AGBL1: variants seen among roughly 807,000 people sequenced by gnomAD.
AGBL1 encodes AGBL carboxypeptidase 1, also known as cytosolic carboxypeptidase 4.
AGBL1 carries 130 observed loss-of-function variants against 118.9 expected under a neutral mutation model. The observed-to-expected ratio is 1.09, with a 90% confidence interval of 0.95 to 1.26. The LOEUF (loss-of-function observed/expected upper bound fraction) is 1.26, where lower values mean the gene tolerates loss of function less well. Among genes scored for constraint, AGBL1 ranks in the 50% most tolerant of loss-of-function variants. AGBL1 has a pLI of 0.00. For synonymous variants in AGBL1, 555 were observed against 478.9 expected (o/e 1.16, Z -2.08); for missense variants, 1,584 against 1,298.1 (o/e 1.22, Z -3.38).
chr15:86,778,260 A>C (rs770773665), intron 22 of AGBL1, among the ~76,000 whole-genome samples: 18 of 152,196 alleles, frequency 1.2e-4, no homozygotes, highest in Non-Finnish European at 1.2e-4. Context: ...TCACAGGACC[A>C]TGGGACTGGG....
At chr15:86,991,525 CA>C (rs2081335610) in intron 24 of AGBL1, among the ~76,000 whole-genome samples, 1 of 151,860 alleles carries the variant, frequency 6.6e-6, no homozygotes, top group Non-Finnish European at 1.5e-5. Context: ...CATTACAAAC[CA>C]AAGCAATGCA....
chr15:86,515,728 G>A (rs1430472667), intron 18 of AGBL1, among the ~76,000 whole-genome samples: 2 of 152,206 alleles, frequency 1.3e-5, no homozygotes, highest in African/African-American at 4.8e-5. Context: ...AGGTTTCACT[G>A]TTCACTTGCA....
At chr15:86,825,904 G>C (rs2079005861) in intron 22 of AGBL1, among the ~76,000 whole-genome samples, 3 of 93,762 alleles carry the variant, frequency 3.2e-5, no homozygotes, top group Admixed American at 1.3e-4. Context: ...TAGATAGATA[G>C]ATAGATAGAT....
chr15:86,979,527 T>C (rs542853401), intron 23 of AGBL1, among the ~76,000 whole-genome samples: 7 of 152,046 alleles, frequency 4.6e-5, no homozygotes, highest in South Asian at 4.2e-4. Context: ...CTCCCTCTGT[T>C]GCCCAGGCTG....
chr15:86,350,304 T>C (rs7172722), intron 17 of AGBL1, among the ~76,000 whole-genome samples: 3,673 of 152,362 alleles, frequency 0.024, 58 homozygotes, highest in Middle Eastern at 0.071. Flanking sequence ...GCAGTCAGTA[T>C]TGACAGACTC....
At chr15:86,466,080 C>T (rs1159558028) in intron 18 of AGBL1, among the ~76,000 whole-genome samples, 10 of 152,150 alleles carry the variant, frequency 6.6e-5, no homozygotes, top group Non-Finnish European at 1.0e-4. Flanking sequence ...TTTCTCAGAC[C>T]GGCCGACACT....
chr15:86,255,896 T>A (rs1161335915), intron 7 of AGBL1, among the ~76,000 whole-genome samples: 1 of 152,226 alleles, frequency 6.6e-6, no homozygotes, highest in Admixed American at 6.5e-5. Flanking sequence ...GTACCTGTAA[T>A]GTTGAGTCTG....
chr15:86,081,459 T>A (rs1462755060), intron 1 of AGBL1, among the ~76,000 whole-genome samples: 1 of 152,168 alleles, frequency 6.6e-6, no homozygotes, highest in Non-Finnish European at 1.5e-5. Context: ...CTCCTTGATG[T>A]CAAATGGCTA....
In AGBL1 at chr15:86,557,121, G is replaced by T. The variant is rs72757835; in HGVS notation, c.2994+2584G>T. Among the ~76,000 whole-genome samples the T allele has an allele frequency of 4.8e-3, 738 of 152,274 alleles. 8 individuals carry two copies. Among genetic ancestry groups the T allele is most frequent in the Admixed American group, 0.018 (269 of 15,292 alleles). On this transcript the variant is annotated intron_variant, in intron 21 of 22. Transcript: ENST00000614907. ...GTTTCTTTGGGATACAGTCTCTGTT[G>T]CTAGGTCATACACTTAGATCTATAA...
chr15:86,485,275 T>C (rs2082698874), intron 18 of AGBL1, among the ~76,000 whole-genome samples: 1 of 152,170 alleles, frequency 6.6e-6, no homozygotes, highest in African/African-American at 2.4e-5. Context: ...TCAGTGATCT[T>C]CGTGCAAAGT....
chr15:86,418,845 T>G (rs560181114), intron 18 of AGBL1, among the ~76,000 whole-genome samples: 1 of 152,106 alleles, frequency 6.6e-6, no homozygotes, highest in Non-Finnish European at 1.5e-5. Context: ...TCTGGGGGTG[T>G]GAAACTGCAA....
At chr15:86,640,184 G>A (rs1415518562) in intron 21 of AGBL1, among the ~76,000 whole-genome samples, 1 of 151,990 alleles carries the variant, frequency 6.6e-6, no homozygotes. Context: ...GCTCCACCTA[G>A]ACCACCAGGA....
At chr15:86,688,830 T>C (rs1596371643) in intron 22 of AGBL1, among the ~76,000 whole-genome samples, 1 of 152,290 alleles carries the variant, frequency 6.6e-6, no homozygotes, top group Non-Finnish European at 1.5e-5. Flanking sequence ...ATTCCCATCA[T>C]CACACCAAAT....
intron 18 of AGBL1, among the ~76,000 whole-genome samples, chr15:86,446,113 G>A (rs1419823873): frequency 6.6e-6 from 1 of 152,154 alleles, no homozygotes; most frequent in African/African-American, 2.4e-5. Context: ...AAAATGACCT[G>A]CTCACCATAA....
At chr15:86,709,686 A>G (rs896635848) in intron 22 of AGBL1, among the ~76,000 whole-genome samples, 2 of 152,178 alleles carry the variant, frequency 1.3e-5, no homozygotes, top group Non-Finnish European at 2.9e-5. Flanking sequence ...TAGAGTAGGT[A>G]TTTGATCTAT....
At chr15:86,141,698 C>G (rs2076965791) in intron 1 of AGBL1, among the ~76,000 whole-genome samples, 1 of 152,200 alleles carries the variant, frequency 6.6e-6, no homozygotes, top group South Asian at 2.1e-4. Context: ...CAGACCTGTG[C>G]TACTCTGGCC....
chr15:86,661,589 C>A (rs994276687), intron 21 of AGBL1, among the ~76,000 whole-genome samples: 17 of 151,954 alleles, frequency 1.1e-4, no homozygotes, highest in African/African-American at 4.1e-4. Flanking sequence ...AAGGACACCT[C>A]TTAAAAAGAC....
intron 17 of AGBL1, among the ~76,000 whole-genome samples, chr15:86,386,525 G>A (rs962277224): frequency 3.3e-5 from 5 of 151,344 alleles, no homozygotes; most frequent in Non-Finnish European, 7.4e-5. Flanking sequence ...TTTGGCACGT[G>A]GTACCCTTTT....
chr15:86,154,577 G>T lies in AGBL1; in HGVS notation c.394+16G>T, dbSNP rs780816050. 1 of 1,594,458 alleles carries T rather than the reference G, an allele frequency of 6.3e-7. No individual in the cohort carries two copies. Among genetic ancestry groups the T allele is most frequent in the Non-Finnish European group, 8.6e-7 (1 of 1,168,642 alleles). ...GCCTCCAGTGGTAAGTGACTCTATT[G>T]TGGCTCTCGGGGATGGCTTCCAAAC... On this transcript the variant is annotated intron_variant, in intron 4 of 22. Coordinates refer to ENST00000614907, the MANE Select transcript of AGBL1 (RefSeq NM_001386094.1).
Sources: allele counts gnomAD v4.1 joint callset (sites outside exome capture counted in the v4.1 genomes callset), GRCh38; gene constraint gnomAD v4.1.1; transcripts MANE v1.5; gene names NCBI Gene and HGNC (gene_info 2026-07-23, HGNC 2026-07-21).